The following UNC5D variants were observed in gnomAD, a reference collection of about 807,000 sequenced individuals.
UNC5D encodes netrin receptor UNC5D.
UNC5D carries 39 observed loss-of-function variants against 105.4 expected under a neutral mutation model. The ratio of observed to expected loss-of-function variants is 0.37; its 90% CI spans 0.29 to 0.48. The LOEUF is 0.48. Ranked by LOEUF, UNC5D falls within the 20% of genes least tolerant of loss-of-function variation. UNC5D has a pLI of 0.98. For missense variants in UNC5D, 991 were observed against 1,202.4 expected (o/e 0.82, Z 2.60); for synonymous variants, 452 against 450.4 (o/e 1.00, Z -0.04).
intron 1 of UNC5D, among the ~76,000 whole-genome samples, chr8:35,244,691 A>C (rs1448332376): frequency 6.6e-6 from 1 of 152,150 alleles, no homozygotes; most frequent in Non-Finnish European, 1.5e-5. Flanking sequence ...AAATTACAGT[A>C]GTTTTTCTCA....
intron 8 of UNC5D, among the ~76,000 whole-genome samples, chr8:35,720,678 G>C (rs1402981065): frequency 1.3e-5 from 2 of 152,172 alleles, no homozygotes; most frequent in East Asian, 3.9e-4. Flanking sequence ...ACTCAGCCAT[G>C]GTTATGAGTG....
chr8:35,321,039 T>C (rs1809702288), intron 1 of UNC5D, among the ~76,000 whole-genome samples: 2 of 152,194 alleles, frequency 1.3e-5, no homozygotes, highest in African/African-American at 4.8e-5. Flanking sequence ...AGCTTAGAAG[T>C]GTGTTCTTGT....
At chr8:35,511,149 C>T (rs1812673791) in intron 1 of UNC5D, among the ~76,000 whole-genome samples, 1 of 152,146 alleles carries the variant, frequency 6.6e-6, no homozygotes, top group East Asian at 1.9e-4. Flanking sequence ...TCTTCTTTCA[C>T]TGATTCTTCC....
At chr8:35,538,862 T>C (rs752239013) in intron 1 of UNC5D, among the ~76,000 whole-genome samples, 3 of 152,114 alleles carry the variant, frequency 2.0e-5, no homozygotes, top group African/African-American at 4.8e-5. Flanking sequence ...GTTTGAAGCA[T>C]AAAAGTTTGA....
At chr8:35,481,998 T>C (rs528394668) in intron 1 of UNC5D, among the ~76,000 whole-genome samples, 1 of 152,268 alleles carries the variant, frequency 6.6e-6, no homozygotes, top group South Asian at 2.1e-4. Context: ...AAATTGCATG[T>C]GAAGTGTGAG....
chr8:35,276,490 C>A (rs1805786120), intron 1 of UNC5D, among the ~76,000 whole-genome samples: 1 of 152,168 alleles, frequency 6.6e-6, no homozygotes, highest in African/African-American at 2.4e-5. Context: ...CAGGCACTTT[C>A]AAGTCATCAG....
At chr8:35,346,028 TAAA>T (rs372653917) in intron 1 of UNC5D, among the ~76,000 whole-genome samples, 3 of 152,166 alleles carry the variant, frequency 2.0e-5, no homozygotes, top group African/African-American at 7.2e-5. Context: ...CTGAAATTCT[TAAA>T]AGAGAGAAAA....
intron 1 of UNC5D, among the ~76,000 whole-genome samples, chr8:35,357,415 ATTGGGTTGCAACACTTTTCACTTTGC>A (rs1157327963): frequency 6.6e-6 from 1 of 152,126 alleles, no homozygotes; most frequent in East Asian, 1.9e-4. Flanking sequence ...CAAAATGAAC[ATTGGGTTGCAACACTTTTCACTTTGC>A]TTTGCTTCTC....
chr8:35,379,335 A>G (rs1337914712), intron 1 of UNC5D, among the ~76,000 whole-genome samples: 1 of 152,130 alleles, frequency 6.6e-6, no homozygotes, highest in Non-Finnish European at 1.5e-5. Flanking sequence ...ACAGTCCACC[A>G]TCACCTTTCC....
rs890189832 is a variant in UNC5D, at chr8:35,792,194, T to A, written c.*1631T>A. On this transcript the variant is annotated 3_prime_UTR_variant, in exon 17 of 17. Transcript: ENST00000404895. ...TTTTTTTAAACAAGTTTTTTGTAGATCCCTTGTAAAATAATAATAATAATG... is the reference window on the plus strand; with the variant it reads ...TTTTTTTAAACAAGTTTTTTGTAGAACCCTTGTAAAATAATAATAATAATG... 1 of 151,944 alleles carries A rather than the reference T, an allele frequency of 6.6e-6. No individual in the cohort carries two copies. Among genetic ancestry groups the A allele is most frequent in the East Asian group, 1.9e-4 (1 of 5,172 alleles). The allele number at this position is 151,944 out of a possible 1,614,324, so 9.4% of individuals were successfully genotyped here. A position where few individuals can be genotyped will look rare whatever the true frequency, so the allele number is the denominator to read the frequency against.
At chr8:35,390,285 C>T (rs772083591) in intron 1 of UNC5D, among the ~76,000 whole-genome samples, 9 of 152,120 alleles carry the variant, frequency 5.9e-5, no homozygotes, top group Non-Finnish European at 1.2e-4. Flanking sequence ...TTGGGGATTA[C>T]GTTTGAATAT....
At chr8:35,247,672 A>G (rs11778552) in intron 1 of UNC5D, among the ~76,000 whole-genome samples, 14,654 of 28,248 alleles carry the variant, frequency 0.52, 3,304 homozygotes, top group Admixed American at 0.59. Context: ...TATATAATAT[A>G]TAAATATATA....
At chr8:35,612,792 G>A (rs1267343426) in intron 4 of UNC5D, among the ~76,000 whole-genome samples, 1 of 124,980 alleles carries the variant, frequency 8.0e-6, no homozygotes, top group Non-Finnish European at 1.6e-5. Flanking sequence ...GTAAAAAAAG[G>A]TTTTGAGAAG....
At chr8:35,534,113 A>G (rs987003895) in intron 1 of UNC5D, among the ~76,000 whole-genome samples, 4 of 152,144 alleles carry the variant, frequency 2.6e-5, no homozygotes, top group African/African-American at 9.7e-5. Context: ...ATATATCATC[A>G]TTTGTCAATG....
rs183265680 is a variant in UNC5D, at chr8:35,604,856, T to C, written c.570+9199T>C. Among the ~76,000 whole-genome samples, 1,015 of 152,370 alleles carry C rather than the reference T, an allele frequency of 6.7e-3. 14 individuals carry two copies. Among genetic ancestry groups the C allele is most frequent in the African/African-American group, 0.022 (932 of 41,588 alleles). ...CGCATCAGTTACTGAGGCTTGTGCA[T>C]TCGTCACGTAGTTCTCGTGCCATGG... On this transcript the variant is annotated intron_variant, in intron 4 of 16. Coordinates refer to ENST00000404895, the MANE Select transcript of UNC5D (RefSeq NM_080872.4).
chr8:35,458,399 A>G (rs565439107), intron 1 of UNC5D, among the ~76,000 whole-genome samples: 99 of 152,240 alleles, frequency 6.5e-4, no homozygotes, highest in African/African-American at 2.3e-3. Flanking sequence ...GAGGCTCACC[A>G]TGACTGGTAG....
intron 4 of UNC5D, among the ~76,000 whole-genome samples, chr8:35,636,438 C>G (rs189464102): frequency 6.6e-6 from 1 of 152,182 alleles, no homozygotes; most frequent in East Asian, 1.9e-4. Flanking sequence ...GAGCTGTACC[C>G]ACTGGGTGCC....
intron 14 of UNC5D, among the ~76,000 whole-genome samples, chr8:35,759,993 G>T (rs369732592): frequency 6.6e-6 from 1 of 151,218 alleles, no homozygotes; most frequent in East Asian, 1.9e-4. Flanking sequence ...ATGGGAAGAA[G>T]AAATTACCAA....
At chr8:35,774,217 C>G in intron 15 of UNC5D, 82 bp from the exon 16 acceptor site, 1 of 1,535,456 alleles carries the variant, frequency 6.5e-7, no homozygotes, top group Non-Finnish European at 8.9e-7. Context: ...GTGTGTTAAC[C>G]CAGATTTTCT....
Sources: allele counts gnomAD v4.1 joint callset (sites outside exome capture counted in the v4.1 genomes callset), GRCh38; gene constraint gnomAD v4.1.1; transcripts MANE v1.5; gene names NCBI Gene and HGNC (gene_info 2026-07-23, HGNC 2026-07-21).